The following SLIT2 variants were observed in gnomAD, a reference collection of about 807,000 sequenced individuals.
SLIT2 encodes slit homolog 2 protein.
Under a neutral mutation model 185.7 loss-of-function variants are expected in SLIT2, and 41 were observed. The ratio of observed to expected loss-of-function variants is 0.22; its 90% CI spans 0.17 to 0.29. The LOEUF (loss-of-function observed/expected upper bound fraction) is 0.29. Among genes scored for constraint, SLIT2 ranks in the 10% least tolerant of loss-of-function variants. The probability of loss-of-function intolerance (pLI) is 1.00; values close to 1 mark genes in which losing one functional copy is unlikely to be tolerated. For synonymous variants in SLIT2, 693 were observed against 680.2 expected (o/e 1.02, Z -0.29); for missense variants, 1,571 against 1,909.0 (o/e 0.82, Z 3.30).
intron 26 of SLIT2, 74 bp from the exon 27 acceptor site, chr4:20,567,183 CCATTA>C (rs1725158647): frequency 1.7e-6 from 2 of 1,201,344 alleles, no homozygotes; most frequent in African/African-American, 1.5e-5. Context: ...ATGAAATTTA[CCATTA>C]CATTAAGGCA....
chr4:20,444,829 C>T (rs1711586655), intron 4 of SLIT2, among the ~76,000 whole-genome samples: 2 of 152,150 alleles, frequency 1.3e-5, no homozygotes, highest in Admixed American at 1.3e-4. Flanking sequence ...TCAGATCCAC[C>T]TATTCCAGGA....
intron 10 of SLIT2, 60 bp downstream of exon 10, chr4:20,510,626 A>G (rs1719616973): frequency 7.5e-6 from 8 of 1,067,868 alleles, no homozygotes; most frequent in Non-Finnish European, 1.0e-5. Flanking sequence ...TCATGAGACC[A>G]TGCAAAGAAA....
intron 4 of SLIT2, among the ~76,000 whole-genome samples, chr4:20,459,160 A>G (rs1291948169): frequency 6.6e-6 from 1 of 152,148 alleles, no homozygotes; most frequent in Non-Finnish European, 1.5e-5. Flanking sequence ...TGGTGTAGGA[A>G]CAGTCCCAAT....
intron 4 of SLIT2, among the ~76,000 whole-genome samples, chr4:20,376,323 A>T (rs893416269): frequency 2.0e-5 from 3 of 151,780 alleles, no homozygotes; most frequent in Non-Finnish European, 4.4e-5. Context: ...AATAGTTCTA[A>T]CCTATAGGGA....
At chr4:20,485,761 T>G (rs905285129) in intron 6 of SLIT2, among the ~76,000 whole-genome samples, 2 of 152,206 alleles carry the variant, frequency 1.3e-5, no homozygotes, top group East Asian at 3.8e-4. Context: ...TTCTGTATTG[T>G]TGCTATGAGA....
At position 20,352,595 on chromosome 4, in the gene SLIT2, C is replaced by T. The variant is rs1721975217; in HGVS notation, c.395+83714C>T. On this transcript the variant is annotated intron_variant, in intron 4 of 36. Transcript: ENST00000504154. ...GCTCAAGGCATATTAAACTTTATAG[C>T]AGACTTTGGATGTTTTATCTTTTAA... Among the ~76,000 whole-genome samples the T allele has an allele frequency of 2.6e-5, 4 of 152,276 alleles. No homozygotes were observed. The South Asian group carries it at 8.3e-4, about 32-fold the overall frequency.
chr4:20,421,935 T>C (rs1728202855), intron 4 of SLIT2, among the ~76,000 whole-genome samples: 1 of 152,174 alleles, frequency 6.6e-6, no homozygotes, highest in Non-Finnish European at 1.5e-5. Flanking sequence ...CTATGCTTAT[T>C]AGGGATCTAC....
chr4:20,305,534 G>A (rs1057038064), intron 4 of SLIT2, among the ~76,000 whole-genome samples: 1 of 152,132 alleles, frequency 6.6e-6, no homozygotes, highest in Non-Finnish European at 1.5e-5. Context: ...AAAGGCAAAT[G>A]ATGTATTTGG....
rs182008502 is a variant in SLIT2, at chr4:20,567,218, A to G, written c.2726-44A>G. 673 of 1,556,470 alleles carry G rather than the reference A, an allele frequency of 4.3e-4. 5 individuals are homozygous for G. In the African/African-American group the frequency reaches 8.5e-3, roughly 20 times the overall value. ...AAGGCATACAAGTAATTAAAAGTAA[A>G]CTGGAAGAGCGTCAGTTGCTTATAT... On this transcript the variant is annotated intron_variant, in intron 26 of 36. Transcript: ENST00000504154.
intron 30 of SLIT2, among the ~76,000 whole-genome samples, chr4:20,590,293 G>A (rs1229913296): frequency 6.6e-6 from 1 of 152,190 alleles, no homozygotes; most frequent in African/African-American, 2.4e-5. Flanking sequence ...CTAAGGCAAT[G>A]AGCAGCCTTT....
chr4:20,396,063 C>G (rs1045678828), intron 4 of SLIT2, among the ~76,000 whole-genome samples: 2 of 151,950 alleles, frequency 1.3e-5, no homozygotes, highest in Middle Eastern at 3.4e-3. Flanking sequence ...ATTCTGTCAT[C>G]CAGGTACATA....
intron 26 of SLIT2, chr4:20,554,355 G>A (rs537049888): frequency 5.4e-5 from 25 of 460,100 alleles, no homozygotes; most frequent in South Asian, 3.7e-4. Context: ...GGAGAAACAG[G>A]CCCTCCCCAG....
At chr4:20,279,640 TA>T (rs1232760023) in intron 4 of SLIT2, among the ~76,000 whole-genome samples, 1 of 152,178 alleles carries the variant, frequency 6.6e-6, no homozygotes, top group African/African-American at 2.4e-5. Context: ...TTTCCTTGTG[TA>T]AAATGAGGAT....
chr4:20,255,214 G>C (rs1711680269), intron 1 of SLIT2: 1 of 362,892 alleles, frequency 2.8e-6, no homozygotes. Context: ...CCGTGGAGAG[G>C]AGGCGCTCTG....
intron 29 of SLIT2, among the ~76,000 whole-genome samples, chr4:20,586,172 A>G (rs957241063): frequency 6.6e-6 from 1 of 152,172 alleles, no homozygotes; most frequent in African/African-American, 2.4e-5. Context: ...GCAGAATCCA[A>G]TATAATTAAG....
chr4:20,400,477 G>A (rs1726260052), intron 4 of SLIT2, among the ~76,000 whole-genome samples: 1 of 151,588 alleles, frequency 6.6e-6, no homozygotes, highest in Non-Finnish European at 1.5e-5. Flanking sequence ...AATGAGATAG[G>A]AAATATAGGA....
intron 4 of SLIT2, among the ~76,000 whole-genome samples, chr4:20,342,219 A>G (rs1263279338): frequency 2.0e-5 from 3 of 152,188 alleles, no homozygotes; most frequent in Non-Finnish European, 4.4e-5. Flanking sequence ...TAAAATTAAC[A>G]TCTGTTTAGC....
At chr4:20,536,432 C>T (rs992064822) in intron 18 of SLIT2, among the ~76,000 whole-genome samples, 8 of 151,936 alleles carry the variant, frequency 5.3e-5, no homozygotes, top group African/African-American at 1.9e-4. Flanking sequence ...GTGGCAGGCA[C>T]TTGTAATCCC....
intron 31 of SLIT2, 91 bp from the exon 32 acceptor site, chr4:20,596,324 A>G (rs1727973380): frequency 1.6e-6 from 2 of 1,218,804 alleles, no homozygotes; most frequent in Non-Finnish European, 2.3e-6. Context: ...GTGCACATAT[A>G]TAATATACAG....
Sources: allele counts gnomAD v4.1 joint callset (sites outside exome capture counted in the v4.1 genomes callset), GRCh38; gene constraint gnomAD v4.1.1; transcripts MANE v1.5; gene names NCBI Gene and HGNC (gene_info 2026-07-23, HGNC 2026-07-21).